OSBPL1A: variants seen among roughly 807,000 people sequenced by gnomAD.
OSBPL1A encodes oxysterol binding protein like 1A, also known as oxysterol-binding protein-related protein 1.
A neutral mutation model predicts 137.1 loss-of-function variants in OSBPL1A; 80 were observed. The observed-to-expected ratio is 0.58, with a 90% CI of 0.49 to 0.70. OSBPL1A has a LOEUF of 0.70. Ranked by LOEUF, OSBPL1A falls within the 30% of genes least tolerant of loss-of-function variation. The pLI is 0.00. For synonymous variants in OSBPL1A, 365 were observed against 389.7 expected, an observed-to-expected ratio of 0.94 and a Z score of 0.75; for missense variants, 970 against 1,129.4, an observed-to-expected ratio of 0.86 and a Z score of 2.02.
chr18:24,354,948 G>A (rs2091507034), intron 4 of OSBPL1A, among the ~76,000 whole-genome samples: 1 of 152,002 alleles, frequency 6.6e-6, no homozygotes, highest in East Asian at 1.9e-4. Context: ...GGCTCCTGAT[G>A]GTTAAGTGCT....
intron 4 of OSBPL1A, among the ~76,000 whole-genome samples, chr18:24,343,541 G>A (rs191646114): frequency 2.6e-5 from 4 of 152,170 alleles, no homozygotes; most frequent in African/African-American, 9.6e-5. Context: ...GAAGAACAAA[G>A]TTAAAGATAC....
chr18:24,286,734 A>G (rs1161978487), intron 14 of OSBPL1A, among the ~76,000 whole-genome samples: 4 of 152,212 alleles, frequency 2.6e-5, no homozygotes, highest in African/African-American at 7.2e-5. Flanking sequence ...TAGAGTGCCA[A>G]ATATACTAGT....
intron 5 of OSBPL1A, among the ~76,000 whole-genome samples, chr18:24,341,060 A>T (rs1302117057): frequency 6.6e-5 from 10 of 152,214 alleles, no homozygotes; most frequent in Admixed American, 6.5e-4. Context: ...CAGTAGCTCA[A>T]TCAGGGTTCA....
At chr18:24,255,691 C>T (rs1454022936) in intron 15 of OSBPL1A, among the ~76,000 whole-genome samples, 1 of 152,088 alleles carries the variant, frequency 6.6e-6, no homozygotes, top group Non-Finnish European at 1.5e-5. Flanking sequence ...CTCTGACCAC[C>T]TTCAGACACA....
At chr18:24,197,786 C>CTTTTTT (rs1043369707) in intron 17 of OSBPL1A, among the ~76,000 whole-genome samples, 30 of 122,730 alleles carry the variant, frequency 2.4e-4, no homozygotes, top group East Asian at 3.3e-4. Context: ...CTTTTCTTTT[C>CTTTTTT]TTTTTTTTTT....
In OSBPL1A at chr18:24,183,417, ATTTTTC is replaced by A. The variant is rs201016070; in HGVS notation, c.1678-2144_1678-2139del. On this transcript the variant is annotated intron_variant, in intron 18 of 27. Coordinates refer to ENST00000319481, the MANE Select transcript of OSBPL1A (RefSeq NM_080597.4). The stretch of plus-strand genomic sequence containing the variant: ...CTGATTTATATTCACACACAGAGAG[ATTTTTC>A]TTTTTCTTTTTCTTTTTTTTTTTTT... Among the ~76,000 whole-genome samples, 335 of 149,732 alleles carry A rather than the reference ATTTTTC, an allele frequency of 2.2e-3. 1 individual carries two copies. The highest frequency in any genetic ancestry group is 3.9e-3 in the African/African-American group (159 of 40,640).
At chr18:24,174,035 C>CAAT (rs2086362625) in intron 21 of OSBPL1A, among the ~76,000 whole-genome samples, 1 of 152,162 alleles carries the variant, frequency 6.6e-6, no homozygotes, top group Admixed American at 6.5e-5. Flanking sequence ...GTATAATGCA[C>CAAT]CTGAAATTCA....
At chr18:24,222,384 T>G (rs1194072645) in intron 17 of OSBPL1A, among the ~76,000 whole-genome samples, 1 of 152,174 alleles carries the variant, frequency 6.6e-6, no homozygotes, top group Non-Finnish European at 1.5e-5. Context: ...GCGGCAAGGT[T>G]GAAGTAAATA....
chr18:24,229,203 A>G (rs899924965), intron 16 of OSBPL1A, among the ~76,000 whole-genome samples: 16 of 152,178 alleles, frequency 1.1e-4, no homozygotes, highest in Admixed American at 1.0e-3. Flanking sequence ...CTCTGTCTCA[A>G]AAGAAAAAGG....
chr18:24,390,130 C>T (rs1046486934), intron 1 of OSBPL1A, among the ~76,000 whole-genome samples: 9 of 152,096 alleles, frequency 5.9e-5, no homozygotes, highest in African/African-American at 2.2e-4. Context: ...TCTCAGACAT[C>T]CAGGCTCAAT....
At chr18:24,381,676 G>A (rs1906595517) in intron 1 of OSBPL1A, among the ~76,000 whole-genome samples, 1 of 152,012 alleles carries the variant, frequency 6.6e-6, no homozygotes, top group African/African-American at 2.4e-5. Flanking sequence ...AAAAAATCAG[G>A]ACCAGGCACA....
intron 17 of OSBPL1A, among the ~76,000 whole-genome samples, chr18:24,213,596 G>GT (rs1312973259): frequency 2.0e-5 from 3 of 151,988 alleles, no homozygotes; most frequent in Non-Finnish European, 4.4e-5. Context: ...AAAATCTGAT[G>GT]TAATTATCTG....
At chr18:24,354,748 CAAAAAAAAAA>C (rs59694707) in intron 4 of OSBPL1A, among the ~76,000 whole-genome samples, 11 of 77,090 alleles carry the variant, frequency 1.4e-4, no homozygotes, top group South Asian at 6.5e-4. Flanking sequence ...CTCAATATAG[CAAAAAAAAAA>C]AAAAAAAAAA....
intron 4 of OSBPL1A, among the ~76,000 whole-genome samples, chr18:24,355,985 C>CAAA (rs200338021): frequency 2.1e-5 from 2 of 97,420 alleles, no homozygotes; most frequent in African/African-American, 3.7e-5. Flanking sequence ...ACTCTTGTCT[C>CAAA]AAAAAAAAAA....
chr18:24,172,314 ATGTCCAC>A (rs2086308252), intron 22 of OSBPL1A, 55 bp downstream of exon 22: 1 of 1,171,478 alleles, frequency 8.5e-7, no homozygotes, highest in Non-Finnish European at 1.3e-6. Flanking sequence ...AAAAAAACTG[ATGTCCAC>A]TAAAACTGCT....
rs188725449 is a variant in OSBPL1A, at chr18:24,276,509, G to A, written c.1281+4333C>T. On this transcript the variant is annotated intron_variant, in intron 15 of 27. Coordinates refer to ENST00000319481, the MANE Select transcript of OSBPL1A (RefSeq NM_080597.4). The stretch of plus-strand genomic sequence containing the variant: ...GCTGGAGTGCCAATGGCCTGATCTC[G>A]GCTCACTGCAACCTCCGCCTCCTGG... Among the ~76,000 whole-genome samples, 119 of 152,074 alleles carry A rather than the reference G, an allele frequency of 7.8e-4. 1 individual carries two copies. Among genetic ancestry groups the A allele is most frequent in the African/African-American group, 2.7e-3 (112 of 41,494 alleles).
At chr18:24,216,603 C>G (rs1434201919) in intron 17 of OSBPL1A, among the ~76,000 whole-genome samples, 1 of 152,210 alleles carries the variant, frequency 6.6e-6, no homozygotes, top group Non-Finnish European at 1.5e-5. Context: ...CAATGTTATT[C>G]TAAGATCAGT....
At chr18:24,189,211 A>C (rs2086825753) in intron 18 of OSBPL1A, among the ~76,000 whole-genome samples, 1 of 152,262 alleles carries the variant, frequency 6.6e-6, no homozygotes, top group South Asian at 2.1e-4. Context: ...TCACTTGAGC[A>C]CTAGAGAAAC....
At chr18:24,262,725 T>A (rs2089470320) in intron 15 of OSBPL1A, among the ~76,000 whole-genome samples, 1 of 125,300 alleles carries the variant, frequency 8.0e-6, no homozygotes, top group Non-Finnish European at 1.6e-5. Context: ...CAAGTTCTCA[T>A]GTGCCCCTTT....
Sources: allele counts gnomAD v4.1 joint callset (sites outside exome capture counted in the v4.1 genomes callset), GRCh38; gene constraint gnomAD v4.1.1; transcripts MANE v1.5; gene names NCBI Gene and HGNC (gene_info 2026-07-23, HGNC 2026-07-21).